The following PRKN variants were observed in gnomAD, a reference collection of about 807,000 sequenced individuals.
PRKN encodes E3 ubiquitin-protein ligase parkin.
Under a neutral mutation model 59.5 loss-of-function variants are expected in PRKN, and 56 were observed. The observed-to-expected ratio is 0.94, with a 90% CI of 0.76 to 1.18. The LOEUF is 1.18. Ranked by LOEUF, PRKN falls within the 50% of genes most tolerant of loss-of-function variation. PRKN has a pLI of 0.00. For missense variants in PRKN, 657 were observed against 596.4 expected, an observed-to-expected ratio of 1.10 and a Z score of -1.06; for synonymous variants, 250 against 222.1, an observed-to-expected ratio of 1.13 and a Z score of -1.12.
intron 3 of PRKN, among the ~76,000 whole-genome samples, chr6:162,215,075 T>C (rs1777580454): frequency 6.6e-6 from 1 of 152,166 alleles, no homozygotes; most frequent in Non-Finnish European, 1.5e-5. Flanking sequence ...TAGGAAGTCT[T>C]ACTTAATTCC....
rs76565761 is a variant in PRKN, at chr6:162,325,765, T to C, written c.172-63000A>G. Among the ~76,000 whole-genome samples the C allele has an allele frequency of 1.1e-3, 175 of 152,304 alleles. 1 individual carries two copies. In the East Asian group the frequency reaches 0.032, roughly 28 times the overall value. The stretch of plus-strand genomic sequence containing the variant: ...TATTGCCAACTTACAAGTTATTATT[T>C]TGCAAGTTTTATGCCCTTTAGAAGT... On this transcript the variant is annotated intron_variant, in intron 2 of 11. Transcript: ENST00000366898.
intron 9 of PRKN, among the ~76,000 whole-genome samples, chr6:161,477,067 G>T (rs1260352812): frequency 6.6e-6 from 1 of 152,232 alleles, no homozygotes; most frequent in African/African-American, 2.4e-5. Flanking sequence ...AAAGCCAACA[G>T]CACTTAACTC....
chr6:162,320,632 G>T (rs1360852950), intron 2 of PRKN, among the ~76,000 whole-genome samples: 6 of 151,548 alleles, frequency 4.0e-5, no homozygotes, highest in Non-Finnish European at 8.9e-5. Context: ...TGCTAATTGG[G>T]AATTTAAAAT....
In PRKN at chr6:162,498,411, T is replaced by G. The variant is rs1343623442; in HGVS notation, c.8-54938A>C. Among the ~76,000 whole-genome samples the G allele has an allele frequency of 1.2e-3, 142 of 114,652 alleles. 2 individuals are homozygous for G. Among genetic ancestry groups the G allele is most frequent in the African/African-American group, 4.3e-3 (137 of 31,774 alleles). 75.2% of individuals were successfully genotyped at this position (114,652 alleles called of 152,430 possible). A position where few individuals can be genotyped will look rare whatever the true frequency, so the allele number is the denominator to read the frequency against. On this transcript the variant is annotated intron_variant, in intron 1 of 11. Coordinates refer to ENST00000366898, the MANE Select transcript of PRKN (RefSeq NM_004562.3). ...TTCTTTCCTTTTTTTTTTTTTTTTT[T>G]TTTTGAGATGGAGTTTCTTTCCTTT...
intron 7 of PRKN, among the ~76,000 whole-genome samples, chr6:161,597,609 A>ACTCT (rs369845601): frequency 3.3e-5 from 5 of 149,320 alleles, no homozygotes; most frequent in East Asian, 3.9e-4. Context: ...TCCACCCCCG[A>ACTCT]CTCTCTCTCT....
intron 4 of PRKN, among the ~76,000 whole-genome samples, chr6:162,109,504 C>G (rs1780332536): frequency 6.6e-6 from 1 of 152,134 alleles, no homozygotes; most frequent in South Asian, 2.1e-4. Flanking sequence ...GATACAGGGA[C>G]CAGCTATGGC....
At chr6:162,619,953 C>T (rs1463740647) in intron 1 of PRKN, among the ~76,000 whole-genome samples, 3 of 152,124 alleles carry the variant, frequency 2.0e-5, no homozygotes, top group African/African-American at 7.2e-5. Flanking sequence ...TTTTTATAAA[C>T]AGAAAGGTAA....
chr6:162,476,201 G>A (rs1244666625), intron 1 of PRKN, among the ~76,000 whole-genome samples: 1 of 152,056 alleles, frequency 6.6e-6, no homozygotes, highest in Non-Finnish European at 1.5e-5. Flanking sequence ...GGGATTACAG[G>A]CATGTGCCAC....
chr6:162,431,764 A>G (rs1042017811), intron 2 of PRKN, among the ~76,000 whole-genome samples: 1 of 152,200 alleles, frequency 6.6e-6, no homozygotes, highest in Non-Finnish European at 1.5e-5. Flanking sequence ...AGAGGCAAGA[A>G]TTAAAAATTT....
chr6:161,517,553 A>G (rs1287537822), intron 9 of PRKN, among the ~76,000 whole-genome samples: 1 of 151,968 alleles, frequency 6.6e-6, no homozygotes, highest in African/African-American at 2.4e-5. Flanking sequence ...ATCCTGGCTA[A>G]CACGGTGAAA....
At chr6:162,235,175 C>T (rs897055804) in intron 3 of PRKN, among the ~76,000 whole-genome samples, 10 of 152,176 alleles carry the variant, frequency 6.6e-5, no homozygotes, top group Admixed American at 2.0e-4. Flanking sequence ...AGAACCAAAA[C>T]TTACCACTAA....
intron 6 of PRKN, among the ~76,000 whole-genome samples, chr6:161,947,831 T>C (rs541008387): frequency 6.0e-4 from 91 of 152,336 alleles, no homozygotes; most frequent in African/African-American, 2.2e-3. Context: ...CATTACCTAA[T>C]ATGTACCTTG....
At chr6:161,626,105 T>A (rs544545367) in intron 7 of PRKN, among the ~76,000 whole-genome samples, 1 of 152,304 alleles carries the variant, frequency 6.6e-6, no homozygotes, top group Non-Finnish European at 1.5e-5. Flanking sequence ...AGATCCTATA[T>A]GTTCCTGGTG....
chr6:162,065,667 C>T (rs529044325), intron 4 of PRKN, among the ~76,000 whole-genome samples: 1 of 152,108 alleles, frequency 6.6e-6, no homozygotes, highest in East Asian at 1.9e-4. Context: ...GTTTGCTTCC[C>T]CCATCAACTC....
intron 1 of PRKN, among the ~76,000 whole-genome samples, chr6:162,642,213 C>A (rs1777991687): frequency 6.6e-6 from 1 of 152,090 alleles, no homozygotes; most frequent in Admixed American, 6.6e-5. Context: ...TAGCAAAGCT[C>A]AAAAATACAC....
In PRKN at chr6:161,503,932, T is replaced by A. The variant is rs770272471; in HGVS notation, c.1083+44922A>T. 1.3e-5 allele frequency among the ~76,000 whole-genome samples: 2 copies of A among 152,182 alleles called. No individual in the cohort carries two copies. The highest frequency in any genetic ancestry group is 4.8e-5 in the African/African-American group (2 of 41,442). On this transcript the variant is annotated intron_variant, in intron 9 of 11. Transcript: ENST00000366898. This position sits in a 1 kb window ranked among gnomAD's most constrained non-coding sequence, Gnocchi z 5.1. ...AGACACCCTAGACAGGGGGAAAGCA[T>A]TGAAGAACCTCTGTGGTCAACCTAA...
rs1778090255 is a variant in PRKN, at chr6:161,504,695, C to A, written c.1083+44159G>T. ...CCCCCTCCCCCCACCCCACAACAGTCCCCAGAGTGTGATGTTCCCCCTCCT... is the reference window on the plus strand; with the variant it reads ...CCCCCTCCCCCCACCCCACAACAGTACCCAGAGTGTGATGTTCCCCCTCCT... On this transcript the variant is annotated intron_variant, in intron 9 of 11. Transcript: ENST00000366898. Among the ~76,000 whole-genome samples the A allele has an allele frequency of 2.4e-5, 3 of 127,658 alleles. No homozygotes were observed. In the South Asian group the frequency reaches 8.2e-4, roughly 35 times the overall value. 83.7% of individuals were successfully genotyped at this position (127,658 alleles called of 152,430 possible).
chr6:161,730,793 G>A (rs1012193446), intron 7 of PRKN, among the ~76,000 whole-genome samples: 1 of 151,224 alleles, frequency 6.6e-6, no homozygotes. Context: ...GCATTCTGAA[G>A]TGTTGCATTC....
intron 1 of PRKN, among the ~76,000 whole-genome samples, chr6:162,597,979 A>C (rs1479448387): frequency 6.6e-6 from 1 of 152,222 alleles, no homozygotes; most frequent in Non-Finnish European, 1.5e-5. Context: ...GTATTTTACA[A>C]AAAACAAGTT....
Sources: gnomAD v4.1 joint callset for allele counts (sites outside exome capture counted in the v4.1 genomes callset) on GRCh38, gnomAD v4.1.1 for gene constraint, Gnocchi (gnomAD v3.1) non-coding constraint, MANE v1.5 for transcripts, NCBI Gene and HGNC (gene_info 2026-07-23, HGNC 2026-07-21) for gene names.